UIMC1: variants seen among roughly 807,000 people sequenced by gnomAD.
The protein encoded by UIMC1 is BRCA1-A complex subunit RAP80.
A neutral mutation model predicts 84.9 loss-of-function variants in UIMC1; 42 were observed. The observed-to-expected ratio is 0.49, with a 90% CI of 0.39 to 0.64. UIMC1 has a LOEUF of 0.64. UIMC1 is among the 30% of genes least tolerant of loss of function. The pLI is 0.00. For synonymous variants in UIMC1, 281 were observed against 293.0 expected (o/e 0.96, Z 0.42); for missense variants, 825 against 847.6 (o/e 0.97, Z 0.33).
At chr5:177,000,728 G>A (rs1774329156) in intron 1 of UIMC1, among the ~76,000 whole-genome samples, 1 of 151,604 alleles carries the variant, frequency 6.6e-6, no homozygotes, top group Non-Finnish European at 1.5e-5. Flanking sequence ...TCGAACTCCC[G>A]ACCTCAGGTG....
chr5:176,958,081 A>G lies in UIMC1; in HGVS notation c.1262+12T>C. On this transcript the variant is annotated intron_variant, in intron 7 of 14. Coordinates refer to ENST00000511320, the MANE Select transcript of UIMC1 (RefSeq NM_001199298.2). The stretch of plus-strand genomic sequence containing the variant: ...ATCAGAGGAGAATGCATAGCAACAT[A>G]TAATCTCTCACCTTTGTGAAGCAGG... The G allele has an allele frequency of 6.2e-7, 1 of 1,613,250 alleles. No individual in the cohort carries two copies. The highest frequency in any genetic ancestry group is 8.5e-7 in the Non-Finnish European group (1 of 1,179,354).
intron 8 of UIMC1, among the ~76,000 whole-genome samples, chr5:176,953,489 G>GACACACACAC (rs1347190087): frequency 5.7e-4 from 47 of 82,636 alleles, no homozygotes; most frequent in African/African-American, 3.7e-3. Flanking sequence ...TTGAAAACTG[G>GACACACACAC]ACACATACAC....
intron 9 of UIMC1, among the ~76,000 whole-genome samples, chr5:176,949,029 A>C (rs956039330): frequency 1.3e-5 from 2 of 152,026 alleles, no homozygotes; most frequent in African/African-American, 4.8e-5. Context: ...ATATTTATTT[A>C]TGTAGTCATT....
Position 176,997,032 on chromosome 5 carries a change from GCA to G in UIMC1, c.-9+9616_-9+9617del, listed in dbSNP as rs752159814. Reference sequence around the variant, plus strand: ...CAGCGGGATCTATGTGCACGCGTGCGCACACACACACACACACAAATTTGAGA... The same window carrying G: ...CAGCGGGATCTATGTGCACGCGTGCGCACACACACACACACAAATTTGAGA... On this transcript the variant is annotated intron_variant, in intron 1 of 14. Coordinates refer to ENST00000511320, the MANE Select transcript of UIMC1 (RefSeq NM_001199298.2). Among the ~76,000 whole-genome samples, 273 of 151,418 alleles carry G rather than the reference GCA, an allele frequency of 1.8e-3. 1 individual carries two copies. Among genetic ancestry groups the G allele is most frequent in the African/African-American group, 5.9e-3 (243 of 41,290 alleles).
intron 1 of UIMC1, among the ~76,000 whole-genome samples, chr5:176,996,289 G>A (rs890675117): frequency 1.3e-5 from 2 of 152,188 alleles, no homozygotes; most frequent in Non-Finnish European, 2.9e-5. Flanking sequence ...CAGGTCAGAA[G>A]AGGAAGAGAA....
chr5:176,905,177 G>T lies in UIMC1; in HGVS notation c.*105C>A. The T allele has an allele frequency of 8.1e-7, 1 of 1,235,486 alleles. No individual in the cohort carries two copies. The highest frequency in any genetic ancestry group is 1.1e-6 in the Non-Finnish European group (1 of 889,712). 76.5% of individuals were successfully genotyped at this position (1,235,486 alleles called of 1,614,324 possible). A position where few individuals can be genotyped will look rare whatever the true frequency, so the allele number is the denominator to read the frequency against. ...TGGGTAGGTGCTGGTGGTGAAAACT[G>T]CAGGGCTAAAACTTGCTCAACAATG... On this transcript the variant is annotated 3_prime_UTR_variant, in exon 15 of 15. Transcript: ENST00000511320.
chr5:177,020,939 G>A (rs897419431), intron 1 of UIMC1, among the ~76,000 whole-genome samples: 2 of 152,120 alleles, frequency 1.3e-5, no homozygotes, highest in Admixed American at 1.3e-4. Flanking sequence ...ATATACCTAG[G>A]AGGGTCCAGG....
chr5:176,919,993 A>T (rs1006322909), intron 10 of UIMC1, among the ~76,000 whole-genome samples: 1 of 152,106 alleles, frequency 6.6e-6, no homozygotes, highest in Non-Finnish European at 1.5e-5. Context: ...AATTTACAAA[A>T]AAAAGTTAGC....
intron 12 of UIMC1, among the ~76,000 whole-genome samples, chr5:176,907,895 G>A (rs978838831): frequency 3.3e-5 from 5 of 151,998 alleles, no homozygotes; most frequent in African/African-American, 9.7e-5. Flanking sequence ...AATAATCAGT[G>A]GTACAAAGAC....
intron 10 of UIMC1, among the ~76,000 whole-genome samples, chr5:176,929,042 A>G (rs899293306): frequency 3.9e-5 from 6 of 151,962 alleles, no homozygotes; most frequent in African/African-American, 1.5e-4. Flanking sequence ...TTACGAGGTC[A>G]GGAGTTTGAG....
Position 176,957,818 on chromosome 5 carries a change from C to T in UIMC1, c.1262+275G>A, listed in dbSNP as rs141507079. 3.5e-3 allele frequency among the ~76,000 whole-genome samples: 531 copies of T among 152,208 alleles called. 1 individual carries two copies. Among genetic ancestry groups the T allele is most frequent in the Non-Finnish European group, 5.2e-3 (354 of 68,006 alleles). On this transcript the variant is annotated intron_variant, in intron 7 of 14. Transcript: ENST00000511320. ...AGTTAAGAGAATTGCAGGATGTGAC[C>T]GCTTTTCAGAAATAATGTAAATGAG...
In UIMC1 at chr5:176,982,536, G is replaced by A. The variant is rs747538185; in HGVS notation, c.80C>T (p.Ser27Phe). ...TCTACGCTTCCTCTTCACACTGACA[G>A]AACTGGTAGTTTCCACATCCTTCTT... The part of the protein sequence containing the change: ...LEKKDVETTS[S>F]VSVKRKRRLE... The change falls in exon 2 of 15, where the codon TCT becomes TTT. Residue 27 changes from serine to phenylalanine, a missense_variant. Transcript: ENST00000511320. 1 of 1,614,098 alleles carries A rather than the reference G, an allele frequency of 6.2e-7. No homozygotes were observed. The highest frequency in any genetic ancestry group is 8.5e-7 in the Non-Finnish European group (1 of 1,180,020).
intron 10 of UIMC1, among the ~76,000 whole-genome samples, chr5:176,938,445 A>G (rs1763989226): frequency 6.6e-6 from 1 of 152,160 alleles, no homozygotes; most frequent in African/African-American, 2.4e-5. Context: ...CAAGTACACT[A>G]GCAGGTGCTC....
intron 12 of UIMC1, 125 bp from the exon 13 acceptor site, chr5:176,907,302 CTT>C (rs1362201190): frequency 1.2e-6 from 1 of 866,138 alleles, no homozygotes; most frequent in Non-Finnish European, 1.8e-6. Context: ...CTAGGGAAGT[CTT>C]TTGCTTTCTA....
chr5:176,961,980 G>A (rs1406781420), intron 6 of UIMC1, among the ~76,000 whole-genome samples: 3 of 73,736 alleles, frequency 4.1e-5, no homozygotes, highest in Non-Finnish European at 5.5e-5. Flanking sequence ...CGCCCCGTCC[G>A]GGAGGGAGGT....
intron 1 of UIMC1, among the ~76,000 whole-genome samples, chr5:177,012,952 G>A (rs1332184802): frequency 6.6e-6 from 1 of 151,754 alleles, no homozygotes; most frequent in Non-Finnish European, 1.5e-5. Flanking sequence ...TTGGTAGTAT[G>A]TGCCTATAGT....
At chr5:176,981,865 T>C (rs1050402979) in intron 2 of UIMC1, among the ~76,000 whole-genome samples, 4 of 152,114 alleles carry the variant, frequency 2.6e-5, no homozygotes, top group Admixed American at 1.3e-4. Context: ...GCCTTTGAGA[T>C]GAGACCTGCA....
At chr5:176,921,231 T>C (rs1228975160) in intron 10 of UIMC1, among the ~76,000 whole-genome samples, 4 of 152,192 alleles carry the variant, frequency 2.6e-5, no homozygotes, top group African/African-American at 9.6e-5. Context: ...ACAGAATGAA[T>C]TGCCCACACG....
intron 10 of UIMC1, among the ~76,000 whole-genome samples, chr5:176,935,015 T>C (rs1225662991): frequency 6.6e-6 from 1 of 152,226 alleles, no homozygotes; most frequent in African/African-American, 2.4e-5. Flanking sequence ...TTAAGGTTAC[T>C]GAAATCATAT....
Sources: allele counts gnomAD v4.1 joint callset (sites outside exome capture counted in the v4.1 genomes callset), GRCh38; gene constraint gnomAD v4.1.1; transcripts MANE v1.5; gene names NCBI Gene and HGNC (gene_info 2026-07-23, HGNC 2026-07-21).